TBL1X: variants seen among roughly 807,000 people sequenced by gnomAD.
TBL1X encodes the protein F-box-like/WD repeat-containing protein TBL1X.
A neutral mutation model predicts 50.7 loss-of-function variants in TBL1X; 10 were observed. The observed-to-expected ratio is 0.20, with a 90% CI of 0.12 to 0.33. The LOEUF (loss-of-function observed/expected upper bound fraction) is 0.33, where lower values mean the gene tolerates loss of function less well. Ranked by LOEUF, TBL1X falls within the 10% of genes least tolerant of loss-of-function variation. The pLI, the probability that TBL1X is intolerant of heterozygous loss-of-function variation, is 1.00. For missense variants in TBL1X, 340 were observed against 504.4 expected, an observed-to-expected ratio of 0.67 and a Z score of 3.12; for synonymous variants, 190 against 214.7, an observed-to-expected ratio of 0.88 and a Z score of 1.01.
chrX:9,542,061 T>C (rs1569219704), intron 2 of TBL1X, among the ~76,000 whole-genome samples: 1 of 110,877 alleles, frequency 9.0e-6, no homozygotes, highest in Non-Finnish European at 1.9e-5. Flanking sequence ...TCCAGCTCTG[T>C]CATTGCCATT....
Position 9,717,042 on chromosome X carries a change from TGCGCTC to T in TBL1X, c.*811_*816del, listed in dbSNP as rs763042851. 5.0e-3 allele frequency: 548 copies of T among 109,563 alleles called. 3 individuals carry two copies. Among genetic ancestry groups the T allele is most frequent in the Non-Finnish European group, 7.7e-3 (404 of 52,563 alleles). 9.0% of individuals were successfully genotyped at this position (109,563 alleles called of 1,213,427 possible). Reference sequence around the variant, plus strand: ...GCCCTCTCCCACCCTCTCCTCCCCTTGCGCTCGCGCTCGCGCTCGCTTTCTCACTGG... The same window carrying T: ...GCCCTCTCCCACCCTCTCCTCCCCTTGCGCTCGCGCTCGCTTTCTCACTGG... On this transcript the variant is annotated 3_prime_UTR_variant, in exon 18 of 18. Transcript: ENST00000645353.
chrX:9,628,919 C>A (rs1415848216), intron 2 of TBL1X, among the ~76,000 whole-genome samples: 1 of 112,262 alleles, frequency 8.9e-6, no homozygotes. Flanking sequence ...AGTGATGTTG[C>A]ATGACTGCCC....
chrX:9,538,502 C>T (rs950523666), intron 2 of TBL1X, among the ~76,000 whole-genome samples: 7 of 112,167 alleles, frequency 6.2e-5, no homozygotes, highest in Admixed American at 4.7e-4. Context: ...ACACATCTGT[C>T]GAAATATTAG....
chrX:9,633,164 T>C (rs758068363), intron 2 of TBL1X, among the ~76,000 whole-genome samples: 1 of 112,522 alleles, frequency 8.9e-6, no homozygotes, highest in East Asian at 2.8e-4. Context: ...ATAACATATA[T>C]GCTTATTTTT....
At chrX:9,575,827 G>C (rs757774035) in intron 2 of TBL1X, among the ~76,000 whole-genome samples, 13 of 111,889 alleles carry the variant, frequency 1.2e-4, no homozygotes, top group African/African-American at 4.2e-4. Context: ...TTATAATGCT[G>C]TGCAGAAACT....
intron 1 of TBL1X, among the ~76,000 whole-genome samples, chrX:9,499,001 C>T (rs1045814802): frequency 1.8e-5 from 2 of 111,752 alleles, no homozygotes; most frequent in African/African-American, 6.5e-5. Flanking sequence ...GGCTCTGCCT[C>T]CTTGGCTTCC....
chrX:9,647,824 G>A (rs2082812994), intron 3 of TBL1X, among the ~76,000 whole-genome samples: 1 of 111,465 alleles, frequency 9.0e-6, no homozygotes, highest in Non-Finnish European at 1.9e-5. Flanking sequence ...CGAGCCCTGA[G>A]TGGTCATGGG....
chrX:9,656,861 G>A (rs2146602020), intron 5 of TBL1X, among the ~76,000 whole-genome samples: 1 of 112,048 alleles, frequency 8.9e-6, no homozygotes, highest in African/African-American at 3.2e-5. Context: ...GTTTTGGTTA[G>A]GTCAATAGTC....
intron 2 of TBL1X, among the ~76,000 whole-genome samples, chrX:9,613,329 G>A (rs927014451): frequency 5.4e-5 from 6 of 111,047 alleles, no homozygotes; most frequent in East Asian, 2.8e-4. Flanking sequence ...GCACTCTCCC[G>A]TCCCACCAAT....
intron 11 of TBL1X, among the ~76,000 whole-genome samples, chrX:9,695,826 G>A (rs1226624412): frequency 8.9e-6 from 1 of 112,141 alleles, no homozygotes. Flanking sequence ...TTCCTACCTG[G>A]AGACTGTTAA....
intron 2 of TBL1X, among the ~76,000 whole-genome samples, chrX:9,526,984 C>T (rs1325794852): frequency 9.0e-6 from 1 of 111,557 alleles, no homozygotes; most frequent in African/African-American, 3.3e-5. Flanking sequence ...TAGAAAGGCC[C>T]CGCCACACGG....
intron 2 of TBL1X, among the ~76,000 whole-genome samples, chrX:9,572,373 A>G (rs953973659): frequency 8.0e-5 from 9 of 112,843 alleles, no homozygotes; most frequent in Non-Finnish European, 1.5e-4. Context: ...GGCCTTCGCC[A>G]TGTCCCTGAA....
chrX:9,636,512 C>CAAG (rs2082748507), intron 2 of TBL1X: 1 of 110,691 alleles, frequency 9.0e-6, no homozygotes. Context: ...ACAACAACAA[C>CAAG]AACAACAACA....
intron 2 of TBL1X, among the ~76,000 whole-genome samples, chrX:9,580,221 A>G (rs776802928): frequency 1.8e-4 from 20 of 112,070 alleles, no homozygotes; most frequent in Non-Finnish European, 3.4e-4. Flanking sequence ...TTATTTTGCC[A>G]AAGTTAAGGA....
intron 1 of TBL1X, among the ~76,000 whole-genome samples, chrX:9,488,700 C>G (rs2146938897): frequency 8.9e-6 from 1 of 112,044 alleles, no homozygotes; most frequent in South Asian, 3.7e-4. Flanking sequence ...GACTTACTTC[C>G]TTTGTTTCTG....
At chrX:9,687,621 A>G (rs186222684) in intron 6 of TBL1X, among the ~76,000 whole-genome samples, 22 of 110,296 alleles carry the variant, frequency 2.0e-4, no homozygotes, top group African/African-American at 7.3e-4. Flanking sequence ...CTTAGTTGTA[A>G]CAGCCAAAAA....
intron 2 of TBL1X, among the ~76,000 whole-genome samples, chrX:9,514,930 G>A (rs192730167): frequency 8.9e-6 from 1 of 112,186 alleles, no homozygotes; most frequent in Non-Finnish European, 1.9e-5. Flanking sequence ...ACAACCTGGC[G>A]AGGAGCTCCT....
At chrX:9,568,472 G>A (rs2082363584) in intron 2 of TBL1X, among the ~76,000 whole-genome samples, 1 of 110,626 alleles carries the variant, frequency 9.0e-6, no homozygotes, top group South Asian at 3.9e-4. Context: ...TGTGCATGTC[G>A]TGTCTATCTG....
intron 2 of TBL1X, among the ~76,000 whole-genome samples, chrX:9,576,568 G>A (rs184695606): frequency 1.6e-4 from 18 of 109,587 alleles, no homozygotes; most frequent in African/African-American, 3.3e-4. Flanking sequence ...GTAAAGTTGC[G>A]GTGAACACCT....
Sources: allele counts gnomAD v4.1 joint callset (sites outside exome capture counted in the v4.1 genomes callset), GRCh38; gene constraint gnomAD v4.1.1; transcripts MANE v1.5; gene names NCBI Gene and HGNC (gene_info 2026-07-23, HGNC 2026-07-21).